Variants in PLA2G5 observed in about 807,000 individuals in gnomAD.
The protein encoded by PLA2G5 is Ca2+-dependent phospholipase A2.
PLA2G5 carries 12 observed loss-of-function variants against 15.9 expected under a neutral mutation model. The ratio of observed to expected loss-of-function variants is 0.76; its 90% CI spans 0.48 to 1.23. The LOEUF is 1.23. PLA2G5 is among the 50% of genes most tolerant of loss of function. PLA2G5 has a pLI of 0.00. For missense variants in PLA2G5, 169 were observed against 177.1 expected, an observed-to-expected ratio of 0.95 and a Z score of 0.26; for synonymous variants, 71 against 71.4, an observed-to-expected ratio of 0.99 and a Z score of 0.03.
chr1:20,036,440 A>G (rs2013253886), intron 1 of PLA2G5, among the ~76,000 whole-genome samples: 2 of 152,084 alleles, frequency 1.3e-5, no homozygotes, highest in African/African-American at 2.4e-5. Context: ...TTTTTTAAAA[A>G]TTCTTTTTTC....
intron 1 of PLA2G5, among the ~76,000 whole-genome samples, chr1:20,033,308 G>C (rs1378216286): frequency 6.6e-6 from 1 of 152,220 alleles, no homozygotes; most frequent in Non-Finnish European, 1.5e-5. Context: ...TGTTGGAAGT[G>C]GGAGGAGAGG....
At chr1:20,057,973 T>C (rs963134475) in intron 1 of PLA2G5, among the ~76,000 whole-genome samples, 2 of 152,228 alleles carry the variant, frequency 1.3e-5, no homozygotes, top group South Asian at 2.1e-4. Context: ...TTTAATTCCA[T>C]TGTGGTCTAA....
intron 2 of PLA2G5, among the ~76,000 whole-genome samples, chr1:20,063,004 AC>A (rs1466410993): frequency 6.6e-6 from 1 of 152,050 alleles, no homozygotes; most frequent in Non-Finnish European, 1.5e-5. Context: ...GTGGGGAAGC[AC>A]CTACTCATAG....
At chr1:20,059,468 T>G (rs572098251) in intron 1 of PLA2G5, among the ~76,000 whole-genome samples, 33 of 150,868 alleles carry the variant, frequency 2.2e-4, no homozygotes, top group Non-Finnish European at 4.4e-4. Flanking sequence ...CATTTTAGGG[T>G]CTTCATGCTA....
At chr1:20,062,354 G>T (rs1024155906) in intron 2 of PLA2G5, among the ~76,000 whole-genome samples, 1 of 152,086 alleles carries the variant, frequency 6.6e-6, no homozygotes, top group Non-Finnish European at 1.5e-5. Context: ...CACATCCCAC[G>T]CCAGAAAGAT....
intron 2 of PLA2G5, among the ~76,000 whole-genome samples, chr1:20,064,185 C>T (rs2014890987): frequency 1.3e-5 from 2 of 152,140 alleles, no homozygotes; most frequent in African/African-American, 2.4e-5. Flanking sequence ...CAGGATGAAA[C>T]ATCAGTGGAA....
intron 1 of PLA2G5, among the ~76,000 whole-genome samples, chr1:20,080,647 C>A (rs552295686): frequency 2.0e-5 from 3 of 152,160 alleles, no homozygotes; most frequent in African/African-American, 7.2e-5. Context: ...GGGGTTGTGC[C>A]AGGGTGAGGG....
At chr1:20,063,546 G>A (rs2014849309) in intron 2 of PLA2G5, 1 of 152,202 alleles carries the variant, frequency 6.6e-6, no homozygotes, top group South Asian at 2.1e-4. Flanking sequence ...CGAGCAGCTG[G>A]AAGGACAGAC....
intron 1 of PLA2G5, among the ~76,000 whole-genome samples, chr1:20,081,577 C>T (rs1017389895): frequency 2.0e-5 from 3 of 151,650 alleles, no homozygotes; most frequent in African/African-American, 7.3e-5. Flanking sequence ...TAGGACCGGT[C>T]AGTTTGAATC....
At chr1:20,045,280 G>A (rs568010044) in intron 1 of PLA2G5, among the ~76,000 whole-genome samples, 1 of 152,250 alleles carries the variant, frequency 6.6e-6, no homozygotes, top group African/African-American at 2.4e-5. Flanking sequence ...GTAGAGACAC[G>A]GAGAGAAGTG....
At chr1:20,086,442 A>G (rs1159504450) in intron 3 of PLA2G5, among the ~76,000 whole-genome samples, 1 of 152,238 alleles carries the variant, frequency 6.6e-6, no homozygotes, top group Non-Finnish European at 1.5e-5. Context: ...TCAATGTAGT[A>G]GCTTATACAG....
intron 1 of PLA2G5, among the ~76,000 whole-genome samples, chr1:20,080,577 C>T (rs1295608024): frequency 6.6e-6 from 1 of 152,006 alleles, no homozygotes; most frequent in Non-Finnish European, 1.5e-5. Flanking sequence ...CAGACTTCGT[C>T]TCAAAAAAAC....
chr1:20,067,114 G>T (rs1197711405), upstream of PLA2G5, among the ~76,000 whole-genome samples: 4 of 152,056 alleles, frequency 2.6e-5, no homozygotes, highest in African/African-American at 9.7e-5. Context: ...TCCCACCTTA[G>T]CCTCCCAAGT....
chr1:20,063,483 G>A (rs35307553), intron 2 of PLA2G5: 5,828 of 152,312 alleles, frequency 0.038, 168 homozygotes, highest in Middle Eastern at 0.12. Context: ...GACCTGCCCA[G>A]GAGAGGCTGC....
At chr1:20,072,845 AG>A (rs2015452518) in intron 1 of PLA2G5, among the ~76,000 whole-genome samples, 1 of 152,116 alleles carries the variant, frequency 6.6e-6, no homozygotes, top group South Asian at 2.1e-4. Context: ...GACATTCTGA[AG>A]GCCTGTTCCC....
At chr1:20,047,048 G>A (rs1032964035) in intron 1 of PLA2G5, among the ~76,000 whole-genome samples, 4 of 152,208 alleles carry the variant, frequency 2.6e-5, no homozygotes, top group African/African-American at 9.6e-5. Flanking sequence ...GTGCCCCTGA[G>A]TAACCAGGGG....
At chr1:20,075,909 T>TC (rs1323261303) in intron 1 of PLA2G5, among the ~76,000 whole-genome samples, 2 of 146,360 alleles carry the variant, frequency 1.4e-5, no homozygotes, top group African/African-American at 5.0e-5. Context: ...TCTCACTCTG[T>TC]CCCCCAGGAT....
intron 1 of PLA2G5, among the ~76,000 whole-genome samples, chr1:20,075,839 T>A (rs2015633568): frequency 6.6e-6 from 1 of 150,872 alleles, no homozygotes; most frequent in African/African-American, 2.4e-5. Flanking sequence ...AAACTGGAAA[T>A]GGAAATGTGG....
intron 2 of PLA2G5, among the ~76,000 whole-genome samples, chr1:20,064,828 C>A (rs1010764775): frequency 2.0e-5 from 3 of 152,014 alleles, no homozygotes; most frequent in Admixed American, 1.3e-4. Flanking sequence ...AAGTGTGGAC[C>A]ATGTACCAGC....
Sources: gnomAD v4.1 joint callset for allele counts (sites outside exome capture counted in the v4.1 genomes callset) on GRCh38, gnomAD v4.1.1 for gene constraint, MANE v1.5 for transcripts, NCBI Gene and HGNC (gene_info 2026-07-23, HGNC 2026-07-21) for gene names.